The following FOXN2 variants were observed in gnomAD, a reference collection of about 807,000 sequenced individuals.
FOXN2 encodes forkhead box N2.
Under a neutral mutation model 41.2 loss-of-function variants are expected in FOXN2, and 19 were observed. That is an observed-to-expected ratio of 0.46 (90% confidence interval 0.32 to 0.68). FOXN2 has a LOEUF of 0.68. Among genes scored for constraint, FOXN2 ranks in the 30% least tolerant of loss-of-function variants. FOXN2 has a pLI of 0.03. For synonymous variants in FOXN2, 195 were observed against 176.8 expected, an observed-to-expected ratio of 1.10 and a Z score of -0.82; for missense variants, 587 against 509.4, an observed-to-expected ratio of 1.15 and a Z score of -1.47.
At chr2:48,362,771 G>A (rs1390429295) in intron 5 of FOXN2, 64 bp downstream of exon 5, 3 of 1,302,828 alleles carry the variant, frequency 2.3e-6, no homozygotes, top group East Asian at 2.3e-5. Flanking sequence ...AACAGGCAGT[G>A]CATAACAATG....
rs1249956504 is a variant in FOXN2 at position 48,376,941 on chromosome 2, G to T, written c.*1498G>T. On this transcript the variant is annotated 3_prime_UTR_variant, in exon 7 of 7. Coordinates refer to ENST00000340553, the MANE Select transcript of FOXN2 (RefSeq NM_002158.4). ...TCATGATGTTGATTTGCTTTCAGCT[G>T]TTTCTGTGATTATAAAGCATTTTTT... The T allele has an allele frequency of 1.3e-5, 2 of 152,336 alleles. No homozygotes were observed. The highest frequency in any genetic ancestry group is 4.8e-5 in the African/African-American group (2 of 41,418). The allele number at this position is 152,336 out of a possible 1,614,324, so 9.4% of individuals were successfully genotyped here. A position where few individuals can be genotyped will look rare whatever the true frequency, so the allele number is the denominator to read the frequency against.
In FOXN2 at chr2:48,326,127, G is replaced by C. The variant is rs942102485; in HGVS notation, c.-156-2434G>C. Among the ~76,000 whole-genome samples the C allele has an allele frequency of 2.0e-5, 3 of 152,260 alleles. No homozygotes were observed. In the South Asian group the frequency reaches 6.2e-4, roughly 32 times the overall value. On this transcript the variant is annotated intron_variant, in intron 1 of 6. Coordinates refer to ENST00000340553, the MANE Select transcript of FOXN2 (RefSeq NM_002158.4). Reference sequence around the variant, plus strand: ...GGCCTACCAGATTGCTGGGATTACAGACATGAGCCACCGTGCCCGGCCTTC... The same window carrying C: ...GGCCTACCAGATTGCTGGGATTACACACATGAGCCACCGTGCCCGGCCTTC...
chr2:48,329,053 G>C (rs1339086193), intron 2 of FOXN2, among the ~76,000 whole-genome samples: 1 of 152,078 alleles, frequency 6.6e-6, no homozygotes, highest in Non-Finnish European at 1.5e-5. Context: ...CCGTGTTTCT[G>C]TGAAACGGAG....
chr2:48,313,864 A>T (rs4547574), upstream of FOXN2, among the ~76,000 whole-genome samples: 29,241 of 152,104 alleles, frequency 0.19, 3,233 homozygotes, highest in South Asian at 0.35. Context: ...TATATTTTTA[A>T]AAAAAATCTC....
At position 48,323,631 on chromosome 2, in the gene FOXN2, G is replaced by A. The variant is rs10174717; in HGVS notation, c.-156-4930G>A. On this transcript the variant is annotated intron_variant, in intron 1 of 6. Transcript: ENST00000340553. ...GCCTTGTAGGTTCTGGATATTAGTC[G>A]TTTGTCACATGTATAGTTTGCAAAT... Among the ~76,000 whole-genome samples the A allele has an allele frequency of 2.6e-5, 4 of 151,908 alleles. No individual in the cohort carries two copies. In the South Asian group the frequency reaches 6.2e-4, roughly 24 times the overall value.
chr2:48,365,346 C>T (rs1186370824), intron 5 of FOXN2, among the ~76,000 whole-genome samples: 2 of 152,198 alleles, frequency 1.3e-5, no homozygotes, highest in Non-Finnish European at 2.9e-5. Context: ...CTACATCAGT[C>T]AAATGTGGTT....
chr2:48,360,281 T>C (rs745641390), intron 4 of FOXN2, among the ~76,000 whole-genome samples: 10 of 152,150 alleles, frequency 6.6e-5, no homozygotes, highest in South Asian at 2.1e-4. Context: ...TAAAATACTT[T>C]AAGGGTAGTT....
At chr2:48,329,677 T>C (rs1669907431) in intron 2 of FOXN2, among the ~76,000 whole-genome samples, 1 of 152,188 alleles carries the variant, frequency 6.6e-6, no homozygotes, top group Non-Finnish European at 1.5e-5. Flanking sequence ...TAATCAAATA[T>C]ACATCTTTTT....
chr2:48,366,911 C>T (rs916553543), intron 5 of FOXN2, among the ~76,000 whole-genome samples: 2 of 151,788 alleles, frequency 1.3e-5, no homozygotes, highest in African/African-American at 4.8e-5. Flanking sequence ...TTATAAAGAT[C>T]ACTTAGGTAT....
chr2:48,327,761 A>G (rs1488384251), intron 1 of FOXN2, among the ~76,000 whole-genome samples: 2 of 152,212 alleles, frequency 1.3e-5, no homozygotes, highest in Non-Finnish European at 2.9e-5. Flanking sequence ...AGTCTTTAAT[A>G]ACATTAATAT....
Position 48,347,544 on chromosome 2 carries a change from T to TGTGC in FOXN2, c.537+796_537+797insCGTG, listed in dbSNP as rs1486437078. On this transcript the variant is annotated intron_variant, in intron 3 of 6. Transcript: ENST00000340553. ...GCCCAGCCGAGGTGTTGTGTGTGTGTGTGTGTGTGTGTGTGTTTTATGCTT... is the reference window on the plus strand; with the variant it reads ...GCCCAGCCGAGGTGTTGTGTGTGTGTGTGCGTGTGTGTGTGTGTGTTTTATGCTT... 6.6e-5 allele frequency among the ~76,000 whole-genome samples: 10 copies of TGTGC among 151,930 alleles called. No individual in the cohort carries two copies. In the East Asian group the frequency reaches 9.7e-4, roughly 15 times the overall value.
At chr2:48,350,451 C>G (rs1214054696) in intron 3 of FOXN2, among the ~76,000 whole-genome samples, 1 of 152,212 alleles carries the variant, frequency 6.6e-6, no homozygotes, top group Non-Finnish European at 1.5e-5. Flanking sequence ...TTATACTTCT[C>G]TTTTAGCAAC....
At chr2:48,330,117 G>C (rs1436472644) in intron 2 of FOXN2, among the ~76,000 whole-genome samples, 1 of 151,908 alleles carries the variant, frequency 6.6e-6, no homozygotes, top group Admixed American at 6.6e-5. Flanking sequence ...TTCAGATTTA[G>C]AAAATATTAG....
In FOXN2 at chr2:48,375,243, G is replaced by A. The variant is rs756017019; in HGVS notation, c.1096G>A (p.Gly366Ser). ...DYEDDPLGDS[G>S]YASQPCAKIS... ...TGAAGATGATCCTCTTGGAGACAGT[G>A]GCTATGCATCACAGCCTTGTGCAAA... Residue 366 changes from glycine to serine, a missense_variant, in exon 7 of 7, where the codon GGC (glycine) becomes AGC (serine). Physicochemically the swap from Gly to Ser is moderately conservative, Grantham distance 56. Coordinates refer to ENST00000340553, the MANE Select transcript of FOXN2 (RefSeq NM_002158.4). The A allele has an allele frequency of 1.2e-6, 2 of 1,614,090 alleles. No individual in the cohort carries two copies. Among genetic ancestry groups the A allele is most frequent in the Non-Finnish European group, 1.7e-6 (2 of 1,180,008 alleles).
rs1673386037 is a variant in FOXN2, at chr2:48,378,571, A to G, written c.*3128A>G. 1.3e-5 allele frequency: 2 copies of G among 152,410 alleles called. No homozygotes were observed. Among genetic ancestry groups the G allele is most frequent in the African/African-American group, 2.4e-5 (1 of 41,398 alleles). 9.4% of individuals were successfully genotyped at this position (152,410 alleles called of 1,614,324 possible). On this transcript the variant is annotated 3_prime_UTR_variant, in exon 7 of 7. Transcript: ENST00000340553. Reference sequence around the variant, plus strand: ...AGATGTGAATACTTCACAAAGCTGTAAAGACCATTGTCTTAAATACTACAA... The same window carrying G: ...AGATGTGAATACTTCACAAAGCTGTGAAGACCATTGTCTTAAATACTACAA...
At chr2:48,317,595 CTTTT>C (rs574980247) in intron 1 of FOXN2, among the ~76,000 whole-genome samples, 117 of 34,700 alleles carry the variant, frequency 3.4e-3, no homozygotes, top group African/African-American at 9.8e-3. Context: ...TATAGTATTG[CTTTT>C]TTTTTTTTTT....
At chr2:48,352,746 T>C (rs1053345050) in intron 3 of FOXN2, among the ~76,000 whole-genome samples, 1 of 152,186 alleles carries the variant, frequency 6.6e-6, no homozygotes, top group African/African-American at 2.4e-5. Flanking sequence ...GTTATTTGAA[T>C]GTCAAATTTG....
chr2:48,315,763 T>C (rs1322319958), intron 1 of FOXN2, among the ~76,000 whole-genome samples: 1 of 152,224 alleles, frequency 6.6e-6, no homozygotes, highest in Non-Finnish European at 1.5e-5. Context: ...CCACTGCATC[T>C]CTCGGGAGTT....
At chr2:48,325,621 C>T (rs1669610439) in intron 1 of FOXN2, among the ~76,000 whole-genome samples, 1 of 152,080 alleles carries the variant, frequency 6.6e-6, no homozygotes, top group Non-Finnish European at 1.5e-5. Flanking sequence ...AAATTATGTA[C>T]TAGCAGAACT....
Sources: gnomAD v4.1 joint callset for allele counts (sites outside exome capture counted in the v4.1 genomes callset) on GRCh38, gnomAD v4.1.1 for gene constraint, MANE v1.5 for transcripts, NCBI Gene and HGNC (gene_info 2026-07-23, HGNC 2026-07-21) for gene names.